Variants in PHIP observed in about 807,000 individuals in gnomAD.
PHIP encodes the protein PHIP subunit of CUL4-Ring ligase complex.
Under a neutral mutation model 236.8 loss-of-function variants are expected in PHIP, and 54 were observed. The ratio of observed to expected loss-of-function variants is 0.23; its 90% CI spans 0.18 to 0.29. The LOEUF is 0.29. Ranked by LOEUF, PHIP falls within the 10% of genes least tolerant of loss-of-function variation. PHIP has a pLI of 1.00. For synonymous variants in PHIP, 756 were observed against 718.9 expected, an observed-to-expected ratio of 1.05 and a Z score of -0.83; for missense variants, 1,370 against 2,190.8, an observed-to-expected ratio of 0.63 and a Z score of 7.48.
chr6:79,007,652 T>C (rs1287990400), intron 15 of PHIP, among the ~76,000 whole-genome samples: 3 of 125,360 alleles, frequency 2.4e-5, no homozygotes, highest in Non-Finnish European at 5.2e-5. Context: ...GTATGTCTTG[T>C]TCTTTTTTTT....
At chr6:79,058,845 T>C (rs1450650911) in intron 6 of PHIP, among the ~76,000 whole-genome samples, 2 of 152,218 alleles carry the variant, frequency 1.3e-5, no homozygotes, top group South Asian at 4.1e-4. Context: ...CTCCTTATTA[T>C]GTGGATCTAT....
intron 7 of PHIP, among the ~76,000 whole-genome samples, chr6:79,033,994 A>G (rs1771801604): frequency 6.6e-6 from 1 of 152,208 alleles, no homozygotes. Context: ...TGCAACATTC[A>G]TTAAGTTCGC....
intron 20 of PHIP, among the ~76,000 whole-genome samples, chr6:78,989,228 G>A (rs115772176): frequency 0.037 from 5,594 of 152,156 alleles, 101 homozygotes; most frequent in Middle Eastern, 0.058. Flanking sequence ...GACTGGCCAG[G>A]GCAATGGCAA....
chr6:79,069,973 C>G (rs1362314582), intron 4 of PHIP, among the ~76,000 whole-genome samples: 1 of 151,676 alleles, frequency 6.6e-6, no homozygotes, highest in African/African-American at 2.4e-5. Flanking sequence ...AAATGCAATA[C>G]TATAAGAAAA....
In PHIP at chr6:78,940,966, G is replaced by C. The variant is rs930842042; in HGVS notation, c.5193C>G (p.Val1731=). Reference sequence around the variant, plus strand: ...TCCTTAACACTTTGACACTTGCAGGGACTAGGAGATCTGCATCTAATTTTT... The same window carrying C: ...TCCTTAACACTTTGACACTTGCAGGCACTAGGAGATCTGCATCTAATTTTT... ...KTQKLDADLL[V]PASVKVLRRS... is the part of the protein sequence containing the mutation. The change falls in exon 40 of 40, where the codon GTC becomes GTG. Residue 1731 remains valine, a synonymous_variant. Transcript: ENST00000275034. 3.9e-5 allele frequency: 63 copies of C among 1,613,586 alleles called. No homozygotes were observed. Among genetic ancestry groups the C allele is most frequent in the Non-Finnish European group, 5.3e-5 (62 of 1,179,730 alleles).
intron 35 of PHIP, among the ~76,000 whole-genome samples, chr6:78,954,600 C>T (rs1250825388): frequency 6.6e-6 from 1 of 152,002 alleles, no homozygotes; most frequent in Non-Finnish European, 1.5e-5. Flanking sequence ...AACAGAATAA[C>T]CCAATTCTTA....
At chr6:79,016,708 C>T (rs187122582) in intron 12 of PHIP, 66 bp from the exon 13 acceptor site, 53 of 921,960 alleles carry the variant, frequency 5.7e-5, no homozygotes, top group Middle Eastern at 4.5e-4. Flanking sequence ...TGCACTTTTC[C>T]CAGAGATCTT....
In PHIP at chr6:79,042,976, T is replaced by C; in HGVS notation, c.467A>G (p.Asn156Ser). 6.2e-7 allele frequency: 1 copy of C among 1,609,608 alleles called. No homozygotes were observed. Among genetic ancestry groups the C allele is most frequent in the Non-Finnish European group, 8.5e-7 (1 of 1,178,274 alleles). ...IADTLFSRKL[N>S]GKYRLERLVP... Reference sequence around the variant, plus strand: ...AAGTCGCTCAAGTCTGTATTTCCCATTCAGCTTCCTTGAAAACAGAGTATC... The same window carrying C: ...AAGTCGCTCAAGTCTGTATTTCCCACTCAGCTTCCTTGAAAACAGAGTATC... Residue 156 changes from asparagine (N) to serine (S), a missense_variant, in exon 7 of 40, where the codon AAT becomes AGT. Around this residue, in one of 14 missense-constraint regions of PHIP, gnomAD observed 82 missense variants for 203.2 expected, o/e 0.40. Transcript: ENST00000275034.
intron 23 of PHIP, among the ~76,000 whole-genome samples, chr6:78,980,942 C>T (rs1768485343): frequency 6.6e-6 from 1 of 151,978 alleles, no homozygotes; most frequent in South Asian, 2.1e-4. Context: ...ACAACTTTTA[C>T]ATCAAGACAG....
intron 6 of PHIP, among the ~76,000 whole-genome samples, chr6:79,044,514 T>C (rs997810339): frequency 2.0e-5 from 3 of 152,096 alleles, no homozygotes; most frequent in Non-Finnish European, 4.4e-5. Flanking sequence ...TAGACATCAA[T>C]TTTCCTGCCA....
At chr6:78,958,657 A>T in intron 31 of PHIP, 57 bp from the exon 32 acceptor site, 15 of 1,047,728 alleles carry the variant, frequency 1.4e-5, no homozygotes, top group Non-Finnish European at 2.2e-5. Flanking sequence ...ATATGTGTAC[A>T]TCATTTAAAA....
chr6:78,952,880 TAAC>T (rs1455794592), intron 35 of PHIP, among the ~76,000 whole-genome samples: 1 of 152,090 alleles, frequency 6.6e-6, no homozygotes, highest in Non-Finnish European at 1.5e-5. Context: ...GTGGTACATA[TAAC>T]AACAGTAATC....
chr6:78,995,804 G>T (rs77168635), intron 19 of PHIP, among the ~76,000 whole-genome samples: 1 of 152,126 alleles, frequency 6.6e-6, no homozygotes, highest in Non-Finnish European at 1.5e-5. Flanking sequence ...TTAATTAATG[G>T]ATGAGGCTGA....
intron 6 of PHIP, among the ~76,000 whole-genome samples, chr6:79,047,948 C>A (rs1037111330): frequency 2.0e-5 from 3 of 150,834 alleles, no homozygotes; most frequent in Non-Finnish European, 3.0e-5. Flanking sequence ...CTAAATAATT[C>A]TTTTCTATTA....
chr6:78,988,141 G>C, intron 21 of PHIP, 68 bp downstream of exon 21: 1 of 1,162,950 alleles, frequency 8.6e-7, no homozygotes, highest in South Asian at 1.9e-5. Flanking sequence ...TAAATGCGAA[G>C]AATGAAACTC....
At chr6:78,987,484 G>C (rs1330493253) in intron 21 of PHIP, among the ~76,000 whole-genome samples, 1 of 152,086 alleles carries the variant, frequency 6.6e-6, no homozygotes, top group Non-Finnish European at 1.5e-5. Context: ...TGGATAAAGA[G>C]AATATATTTA....
At chr6:79,053,308 A>C (rs944236081) in intron 6 of PHIP, among the ~76,000 whole-genome samples, 1 of 152,120 alleles carries the variant, frequency 6.6e-6, no homozygotes, top group Non-Finnish European at 1.5e-5. Context: ...AGCGAGACTC[A>C]ATCTCAAAAG....
chr6:79,006,286 G>A (rs1770288353), intron 15 of PHIP, among the ~76,000 whole-genome samples: 1 of 151,874 alleles, frequency 6.6e-6, no homozygotes, highest in African/African-American at 2.4e-5. Flanking sequence ...TCTATAAACT[G>A]CAGACTAGGT....
chr6:78,946,345 T>C (rs371480954), intron 37 of PHIP, 85 bp from the exon 38 acceptor site: 3 of 1,444,976 alleles, frequency 2.1e-6, no homozygotes. Flanking sequence ...GATTCAATAT[T>C]TGTACTATTA....
Sources: allele counts gnomAD v4.1 joint callset (sites outside exome capture counted in the v4.1 genomes callset), GRCh38; gene constraint gnomAD v4.1.1; regional missense constraint gnomAD v4.1.1; transcripts MANE v1.5; gene names NCBI Gene and HGNC (gene_info 2026-07-23, HGNC 2026-07-21).